SGCZ: variants seen among roughly 807,000 people sequenced by gnomAD.
The protein encoded by SGCZ is zeta-sarcoglycan.
SGCZ carries 40 observed loss-of-function variants against 41.3 expected under a neutral mutation model. The observed-to-expected ratio is 0.97, with a 90% CI of 0.75 to 1.26. The LOEUF is 1.26. SGCZ is among the 50% of genes most tolerant of loss of function. The pLI is 0.00. For missense variants in SGCZ, 552 were observed against 369.8 expected, an observed-to-expected ratio of 1.49 and a Z score of -4.04; for synonymous variants, 206 against 137.5, an observed-to-expected ratio of 1.50 and a Z score of -3.49.
chr8:15,007,822 TGAG>T (rs1802659116), intron 1 of SGCZ, among the ~76,000 whole-genome samples: 1 of 152,214 alleles, frequency 6.6e-6, no homozygotes, highest in South Asian at 2.1e-4. Context: ...GTTATTACCT[TGAG>T]GAGATAAAAT....
At chr8:15,191,911 G>A (rs1232673286) in intron 1 of SGCZ, among the ~76,000 whole-genome samples, 1 of 152,000 alleles carries the variant, frequency 6.6e-6, no homozygotes, top group Non-Finnish European at 1.5e-5. Context: ...GGCTCAGATT[G>A]CTGGATTTGA....
At chr8:14,961,917 G>C (rs551016303) in intron 1 of SGCZ, among the ~76,000 whole-genome samples, 1 of 152,298 alleles carries the variant, frequency 6.6e-6, no homozygotes, top group South Asian at 2.1e-4. Context: ...GCCAATGTAT[G>C]TCATAATTTA....
At chr8:15,217,450 T>A (rs1801444087) in intron 1 of SGCZ, among the ~76,000 whole-genome samples, 1 of 149,222 alleles carries the variant, frequency 6.7e-6, no homozygotes. Context: ...CTAACAAAAA[T>A]ACCTCTTTTT....
Position 14,573,016 on chromosome 8 carries a change from T to A in SGCZ, c.40-18090A>T, listed in dbSNP as rs113024254. On this transcript the variant is annotated intron_variant, in intron 1 of 7. Coordinates refer to ENST00000382080, the MANE Select transcript of SGCZ (RefSeq NM_139167.4). ...TCATTTGTTACAGATTTAGTATCTA[T>A]AAAGAAATATGCAAATGAATGTAAT... 5.3e-5 allele frequency among the ~76,000 whole-genome samples: 8 copies of A among 152,282 alleles called. 1 individual carries two copies. The highest frequency in any genetic ancestry group is 1.9e-4 in the African/African-American group (8 of 41,556).
At chr8:14,450,835 T>C (rs1342584357) in intron 2 of SGCZ, among the ~76,000 whole-genome samples, 2 of 152,208 alleles carry the variant, frequency 1.3e-5, no homozygotes, top group African/African-American at 4.8e-5. Flanking sequence ...GCTTCAGCTC[T>C]ATTTTTCCTG....
intron 2 of SGCZ, among the ~76,000 whole-genome samples, chr8:14,486,310 T>A (rs1267519255): frequency 6.6e-6 from 1 of 152,120 alleles, no homozygotes; most frequent in Non-Finnish European, 1.5e-5. Context: ...TGCATGGTAG[T>A]AAGAACCACT....
At chr8:14,955,990 C>T (rs989771544) in intron 1 of SGCZ, among the ~76,000 whole-genome samples, 4 of 150,356 alleles carry the variant, frequency 2.7e-5, no homozygotes, top group African/African-American at 9.8e-5. Flanking sequence ...GATTTTAATG[C>T]AATCGAAATT....
At chr8:14,439,235 T>C (rs1008262237) in intron 2 of SGCZ, among the ~76,000 whole-genome samples, 3 of 151,394 alleles carry the variant, frequency 2.0e-5, no homozygotes, top group Admixed American at 2.0e-4. Flanking sequence ...GGACTTTTTA[T>C]TATATTTTTA....
At chr8:14,177,673 C>CTTTTTT (rs1804584333) in intron 4 of SGCZ, among the ~76,000 whole-genome samples, 3 of 115,108 alleles carry the variant, frequency 2.6e-5, no homozygotes, top group South Asian at 2.5e-4. Flanking sequence ...CCACGCCCTG[C>CTTTTTT]TATTTTTTTT....
chr8:14,238,718 C>T (rs1327339491), intron 3 of SGCZ, among the ~76,000 whole-genome samples: 1 of 151,966 alleles, frequency 6.6e-6, no homozygotes, highest in East Asian at 1.9e-4. Flanking sequence ...ATATTCATTG[C>T]ATACTCATTA....
chr8:15,045,722 G>A (rs1284362944), intron 1 of SGCZ, among the ~76,000 whole-genome samples: 1 of 152,056 alleles, frequency 6.6e-6, no homozygotes, highest in African/African-American at 2.4e-5. Flanking sequence ...TCTCTCATCA[G>A]AGTTGAAGAC....
chr8:14,726,529 A>G (rs1585212548), intron 1 of SGCZ, among the ~76,000 whole-genome samples: 1 of 151,896 alleles, frequency 6.6e-6, no homozygotes, highest in Admixed American at 6.6e-5. Flanking sequence ...ATAGAGGCAC[A>G]GTATTGGTTG....
intron 1 of SGCZ, among the ~76,000 whole-genome samples, chr8:14,573,975 C>G (rs1431469258): frequency 6.6e-6 from 1 of 152,064 alleles, no homozygotes; most frequent in East Asian, 1.9e-4. Context: ...CATGCATACA[C>G]TACAGGGAGG....
intron 1 of SGCZ, among the ~76,000 whole-genome samples, chr8:14,911,428 G>A (rs932843640): frequency 2.6e-5 from 4 of 152,032 alleles, no homozygotes; most frequent in African/African-American, 9.7e-5. Context: ...ATCAAGAGCA[G>A]CTGCACACTG....
chr8:14,701,626 C>T (rs979746420), intron 1 of SGCZ, among the ~76,000 whole-genome samples: 1 of 151,970 alleles, frequency 6.6e-6, no homozygotes, highest in South Asian at 2.1e-4. Flanking sequence ...TAATCCAAAC[C>T]TTCTCCTTAT....
chr8:14,761,724 C>G (rs950022466), intron 1 of SGCZ, among the ~76,000 whole-genome samples: 5 of 151,802 alleles, frequency 3.3e-5, no homozygotes, highest in Admixed American at 6.6e-5. Context: ...CAGAGTTTCA[C>G]CATGTTGGCC....
chr8:14,359,812 A>G (rs1803438862), intron 2 of SGCZ, among the ~76,000 whole-genome samples: 1 of 148,088 alleles, frequency 6.8e-6, no homozygotes, highest in South Asian at 2.1e-4. Flanking sequence ...TAATACAAAA[A>G]AAGAAAAAAA....
chr8:14,317,562 T>C (rs916175762), intron 3 of SGCZ, among the ~76,000 whole-genome samples: 1 of 151,780 alleles, frequency 6.6e-6, no homozygotes, highest in African/African-American at 2.4e-5. Context: ...CAAAACGGAA[T>C]TGAAAATCTA....
At chr8:15,040,254 C>T (rs1029595882) in intron 1 of SGCZ, among the ~76,000 whole-genome samples, 9 of 152,158 alleles carry the variant, frequency 5.9e-5, no homozygotes, top group African/African-American at 1.9e-4. Flanking sequence ...TCCATGTTAA[C>T]GAATATAGTA....
Sources: gnomAD v4.1 joint callset for allele counts (sites outside exome capture counted in the v4.1 genomes callset) on GRCh38, gnomAD v4.1.1 for gene constraint, MANE v1.5 for transcripts, NCBI Gene and HGNC (gene_info 2026-07-23, HGNC 2026-07-21) for gene names.